Variants in KANK4 observed in about 807,000 individuals in gnomAD.
KANK4 encodes the protein KN motif and ankyrin repeat domain-containing protein 4.
In KANK4, 50 loss-of-function variants were observed where a neutral mutation model predicts 80.8. The observed-to-expected ratio is 0.62, with a 90% CI of 0.49 to 0.78. The LOEUF is 0.78. KANK4 is among the 30% of genes least tolerant of loss of function. The pLI is 0.00. For synonymous variants in KANK4, 465 were observed against 506.9 expected (o/e 0.92, Z 1.11); for missense variants, 1,196 against 1,240.1 (o/e 0.96, Z 0.53).
At chr1:62,255,596 T>C (rs1671733683) in intron 7 of KANK4, among the ~76,000 whole-genome samples, 1 of 152,072 alleles carries the variant, frequency 6.6e-6, no homozygotes, top group Non-Finnish European at 1.5e-5. Flanking sequence ...CATTTCCTTC[T>C]CTATAAAATG....
chr1:62,277,477 T>C (rs12127630), intron 2 of KANK4, among the ~76,000 whole-genome samples: 60,400 of 152,026 alleles, frequency 0.4, 12,786 homozygotes, highest in African/African-American at 0.53. Flanking sequence ...TGAATCCGGG[T>C]TGGCCTGCAA....
chr1:62,262,241 G>T (rs752793576), intron 7 of KANK4, among the ~76,000 whole-genome samples: 1 of 152,172 alleles, frequency 6.6e-6, no homozygotes, highest in Non-Finnish European at 1.5e-5. Flanking sequence ...CTTGACCAGC[G>T]CTGTAACTTG....
In KANK4 at chr1:62,268,404, T is replaced by C; in HGVS notation, c.2114A>G (p.Lys705Arg). ...AEKKCDGPDH[K>R]HVKDAHLTCE... ...GGTGAGATGGGCATCTTTGACATGC[T>C]TGTGATCTGGGCCGTCACACTTCTT... Residue 705 changes from lysine (K) to arginine (R), a missense_variant, in exon 5 of 10, where the codon AAG becomes AGG. By Grantham distance (26) the Lys-to-Arg change is conservative. Transcript: ENST00000371153. The C allele has an allele frequency of 1.2e-6, 2 of 1,614,074 alleles. No homozygotes were observed. The highest frequency in any genetic ancestry group is 8.5e-7 in the Non-Finnish European group (1 of 1,180,008).
At chr1:62,305,623 T>C (rs1208837234) in intron 1 of KANK4, among the ~76,000 whole-genome samples, 1 of 151,916 alleles carries the variant, frequency 6.6e-6, no homozygotes, top group Non-Finnish European at 1.5e-5. Flanking sequence ...GCTTGAGATT[T>C]TAATGTTAAA....
chr1:62,251,932 C>T (rs1016240946), intron 8 of KANK4, among the ~76,000 whole-genome samples: 2 of 144,098 alleles, frequency 1.4e-5, no homozygotes, highest in Non-Finnish European at 3.0e-5. Flanking sequence ...GTGGAGGTTG[C>T]GGTGAGCCGA....
chr1:62,303,524 C>T (rs1055206243), intron 1 of KANK4, among the ~76,000 whole-genome samples: 5 of 152,040 alleles, frequency 3.3e-5, no homozygotes, highest in Non-Finnish European at 7.4e-5. Flanking sequence ...CACCGCCCAT[C>T]CCAAACTAAG....
chr1:62,241,383 G>C (rs1671338581), intron 9 of KANK4, among the ~76,000 whole-genome samples: 1 of 152,192 alleles, frequency 6.6e-6, no homozygotes, highest in Non-Finnish European at 1.5e-5. Context: ...GACCCCCGAA[G>C]ATGGCACATG....
rs143191220 is a variant in KANK4, at chr1:62,260,523, A to G, written c.2539+2569T>C. 3.9e-4 allele frequency among the ~76,000 whole-genome samples: 59 copies of G among 151,156 alleles called. 1 individual carries two copies. The East Asian group carries it at 0.01, about 27-fold the overall frequency. On this transcript the variant is annotated intron_variant, in intron 7 of 9. Coordinates refer to ENST00000371153, the MANE Select transcript of KANK4 (RefSeq NM_181712.5). ...CTCCCCAAACAAACACACAAAACCA[A>G]CTCTCCGAAGGCTCTCCCACCTCCT...
intron 1 of KANK4, 103 bp from the exon 2 acceptor site, chr1:62,281,737 C>T (rs577518099): frequency 2.6e-6 from 2 of 759,248 alleles, no homozygotes; most frequent in African/African-American, 1.7e-5. Context: ...CTGCCTTTCT[C>T]CCAGGGTGCC....
chr1:62,260,985 G>A (rs756579414), intron 7 of KANK4, among the ~76,000 whole-genome samples: 35 of 151,940 alleles, frequency 2.3e-4, no homozygotes, highest in African/African-American at 4.8e-4. Flanking sequence ...GCACATTTCC[G>A]CAGAGATGAT....
intron 1 of KANK4, among the ~76,000 whole-genome samples, chr1:62,292,999 A>T (rs146438031): frequency 6.6e-6 from 1 of 151,904 alleles, no homozygotes; most frequent in East Asian, 1.9e-4. Context: ...TGGGTCTTTC[A>T]CAGTTCCCAG....
At chr1:62,285,692 T>C (rs1349378068) in intron 1 of KANK4, among the ~76,000 whole-genome samples, 1 of 151,972 alleles carries the variant, frequency 6.6e-6, no homozygotes, top group Non-Finnish European at 1.5e-5. Context: ...AATTCAACCT[T>C]ACAAAGTCAA....
intron 6 of KANK4, among the ~76,000 whole-genome samples, chr1:62,265,662 T>C (rs1391120459): frequency 6.6e-6 from 1 of 152,236 alleles, no homozygotes; most frequent in East Asian, 1.9e-4. Flanking sequence ...AGGGCTCTTT[T>C]GCAAAGGAGA....
chr1:62,299,511 C>T (rs1012599969), intron 1 of KANK4, among the ~76,000 whole-genome samples: 1 of 152,084 alleles, frequency 6.6e-6, no homozygotes, highest in Non-Finnish European at 1.5e-5. Flanking sequence ...CAGCAGCAGA[C>T]AGAAGCCTCA....
At chr1:62,288,815 G>T (rs1200503098) in intron 1 of KANK4, among the ~76,000 whole-genome samples, 1 of 152,124 alleles carries the variant, frequency 6.6e-6, no homozygotes, top group Admixed American at 6.5e-5. Flanking sequence ...AAATGTTCTT[G>T]GTCCGTGACT....
intron 1 of KANK4, among the ~76,000 whole-genome samples, chr1:62,282,418 C>T (rs1195221441): frequency 6.6e-6 from 1 of 152,126 alleles, no homozygotes; most frequent in Non-Finnish European, 1.5e-5. Context: ...CCACATACAT[C>T]AGAATAATGA....
chr1:62,313,041 G>T (rs1484500647), intron 1 of KANK4, among the ~76,000 whole-genome samples: 1 of 152,140 alleles, frequency 6.6e-6, no homozygotes, highest in Non-Finnish European at 1.5e-5. Flanking sequence ...GTTAATGAAG[G>T]TCCAAAAATA....
At chr1:62,314,747 G>A (rs976241321) in intron 1 of KANK4, among the ~76,000 whole-genome samples, 1 of 152,008 alleles carries the variant, frequency 6.6e-6, no homozygotes, top group Non-Finnish European at 1.5e-5. Flanking sequence ...TTACTTTTGG[G>A]GAAAAAATGA....
At chr1:62,261,780 T>C (rs1008223697) in intron 7 of KANK4, among the ~76,000 whole-genome samples, 5 of 152,138 alleles carry the variant, frequency 3.3e-5, no homozygotes, top group Non-Finnish European at 7.4e-5. Context: ...ACTAGAAGCT[T>C]TCTAGTCTCC....
Sources: gnomAD v4.1 joint callset for allele counts (sites outside exome capture counted in the v4.1 genomes callset) on GRCh38, gnomAD v4.1.1 for gene constraint, MANE v1.5 for transcripts, NCBI Gene and HGNC (gene_info 2026-07-23, HGNC 2026-07-21) for gene names.